Variants in AKT3 observed in about 807,000 individuals in gnomAD.
AKT3 encodes the protein AKT serine/threonine kinase 3.
AKT3 carries 15 observed loss-of-function variants against 65.3 expected under a neutral mutation model. The observed-to-expected ratio is 0.23, with a 90% confidence interval of 0.15 to 0.35. AKT3 has a LOEUF of 0.35. Among genes scored for constraint, AKT3 ranks in the 10% least tolerant of loss-of-function variants. The pLI, the probability that AKT3 is intolerant of heterozygous loss-of-function variation, is 1.00. For synonymous variants in AKT3, 206 were observed against 183.8 expected, an observed-to-expected ratio of 1.12 and a Z score of -0.98; for missense variants, 243 against 576.5, an observed-to-expected ratio of 0.42 and a Z score of 5.92.
chr1:243,644,892 C>G (rs907950929), intron 5 of AKT3, among the ~76,000 whole-genome samples: 1 of 151,802 alleles, frequency 6.6e-6, no homozygotes, highest in African/African-American at 2.4e-5. Flanking sequence ...ATTAAATTGA[C>G]GTAAAAGAAA....
intron 6 of AKT3, among the ~76,000 whole-genome samples, chr1:243,637,311 A>C (rs1306308593): frequency 6.6e-6 from 1 of 152,138 alleles, no homozygotes; most frequent in African/African-American, 2.4e-5. Context: ...AGAAATTATT[A>C]AAAAGCAATC....
chr1:243,671,136 T>C (rs1372741131), intron 3 of AKT3, among the ~76,000 whole-genome samples: 3 of 150,658 alleles, frequency 2.0e-5, no homozygotes, highest in African/African-American at 7.3e-5. Context: ...TGGAGTGCAG[T>C]GGCGCAATCT....
At chr1:243,538,090 A>G (rs1245103524) in intron 12 of AKT3, among the ~76,000 whole-genome samples, 1 of 152,206 alleles carries the variant, frequency 6.6e-6, no homozygotes, top group Non-Finnish European at 1.5e-5. Context: ...ACTTTAAAAT[A>G]TAATTATCTA....
At chr1:243,633,560 GGT>G (rs1679761757) in intron 6 of AKT3, among the ~76,000 whole-genome samples, 2 of 151,514 alleles carry the variant, frequency 1.3e-5, no homozygotes, top group African/African-American at 4.9e-5. Flanking sequence ...AAGTTAAGGT[GGT>G]ATAAATTTAA....
chr1:243,762,206 A>G (rs1430562470), intron 2 of AKT3, among the ~76,000 whole-genome samples: 1 of 151,988 alleles, frequency 6.6e-6, no homozygotes, highest in African/African-American at 2.4e-5. Flanking sequence ...GGGGAAAAAT[A>G]ATCATTTATT....
intron 2 of AKT3, among the ~76,000 whole-genome samples, chr1:243,721,618 A>G (rs1275779351): frequency 6.6e-6 from 1 of 152,156 alleles, no homozygotes; most frequent in African/African-American, 2.4e-5. Flanking sequence ...TTCCACTACT[A>G]TACTACCAAA....
intron 2 of AKT3, among the ~76,000 whole-genome samples, chr1:243,759,527 T>C (rs1429640164): frequency 6.6e-6 from 1 of 151,684 alleles, no homozygotes; most frequent in Non-Finnish European, 1.5e-5. Flanking sequence ...TGATGGGTAA[T>C]GAATAATATT....
At chr1:243,630,684 T>C (rs2147788839) in intron 6 of AKT3, among the ~76,000 whole-genome samples, 1 of 152,288 alleles carries the variant, frequency 6.6e-6, no homozygotes, top group South Asian at 2.1e-4. Flanking sequence ...AAAAAAATTA[T>C]AACATGCTTT....
At chr1:243,755,373 C>T (rs556835718) in intron 2 of AKT3, among the ~76,000 whole-genome samples, 2 of 151,854 alleles carry the variant, frequency 1.3e-5, no homozygotes, top group Non-Finnish European at 2.9e-5. Context: ...CGTGCCCGGT[C>T]TCCTTTTTAA....
chr1:243,609,948 A>G lies in AKT3; in HGVS notation c.696+3723T>C, dbSNP rs140877166. ...CCCACCAAAGTCCCACCATCTATCT[A>G]TCTGTTATGATAGAAGTGATAATTA... On this transcript the variant is annotated intron_variant, in intron 8 of 13. Transcript: ENST00000673466. Among the ~76,000 whole-genome samples, 337 of 152,212 alleles carry G rather than the reference A, an allele frequency of 2.2e-3. 3 individuals are homozygous for G. Among genetic ancestry groups the G allele is most frequent in the African/African-American group, 7.8e-3 (324 of 41,526 alleles).
intron 2 of AKT3, among the ~76,000 whole-genome samples, chr1:243,702,628 A>C (rs940315698): frequency 2.0e-5 from 3 of 152,200 alleles, no homozygotes; most frequent in Non-Finnish European, 4.4e-5. Flanking sequence ...ATGTTCTACT[A>C]ATCAGTACTG....
intron 9 of AKT3, among the ~76,000 whole-genome samples, chr1:243,567,593 T>C (rs1022585483): frequency 6.6e-6 from 1 of 150,916 alleles, no homozygotes; most frequent in Non-Finnish European, 1.5e-5. Context: ...CCTCCCAAAG[T>C]GCTGGGATTA....
intron 2 of AKT3, among the ~76,000 whole-genome samples, chr1:243,802,501 T>C (rs954471397): frequency 3.3e-5 from 5 of 152,178 alleles, no homozygotes; most frequent in Non-Finnish European, 5.9e-5. Flanking sequence ...CTGTAAACTT[T>C]CCAGTCATTA....
intron 2 of AKT3, among the ~76,000 whole-genome samples, chr1:243,742,880 T>C (rs992492820): frequency 6.6e-6 from 1 of 151,802 alleles, no homozygotes; most frequent in Non-Finnish European, 1.5e-5. Context: ...GTGTAGACCA[T>C]TTACGAAAAT....
At chr1:243,752,625 T>A (rs1688876998) in intron 2 of AKT3, among the ~76,000 whole-genome samples, 1 of 152,222 alleles carries the variant, frequency 6.6e-6, no homozygotes, top group Admixed American at 6.5e-5. Context: ...TTTTTCAAAT[T>A]CAAATAGACT....
At chr1:243,488,722 G>C (rs1665629825) in intron 13 of AKT3, among the ~76,000 whole-genome samples, 1 of 152,156 alleles carries the variant, frequency 6.6e-6, no homozygotes, top group Non-Finnish European at 1.5e-5. Flanking sequence ...TTTGACCTCT[G>C]CTTGGGAGTT....
Position 243,499,881 on chromosome 1 carries a change from A to C in AKT3, c.*5368T>G. 2 of 1,203,672 alleles carry C rather than the reference A, an allele frequency of 1.7e-6. No individual in the cohort carries two copies. The highest frequency in any genetic ancestry group is 2.5e-5 in the South Asian group (2 of 80,442). 74.6% of individuals were successfully genotyped at this position (1,203,672 alleles called of 1,614,324 possible). ...TGCCACAACGCACCACGACCTTCCC[A>C]GGGTGACACCGCCTCAGCCTGCAGT... On this transcript the variant is annotated 3_prime_UTR_variant, in exon 14 of 14. Transcript: ENST00000673466.
chr1:243,849,444 T>A (rs1044026717), intron 1 of AKT3, among the ~76,000 whole-genome samples: 1 of 105,132 alleles, frequency 9.5e-6, no homozygotes, highest in Non-Finnish European at 1.7e-5. Context: ...CGGGGAAGGG[T>A]GGGGGAAGGA....
intron 3 of AKT3, among the ~76,000 whole-genome samples, chr1:243,675,532 ATGC>A (rs1279387896): frequency 1.3e-5 from 2 of 152,132 alleles, no homozygotes; most frequent in Non-Finnish European, 2.9e-5. Flanking sequence ...CTTGTATTAA[ATGC>A]TGCTCCTCTT....
Sources: gnomAD v4.1 joint callset for allele counts (sites outside exome capture counted in the v4.1 genomes callset) on GRCh38, gnomAD v4.1.1 for gene constraint, MANE v1.5 for transcripts, NCBI Gene and HGNC (gene_info 2026-07-23, HGNC 2026-07-21) for gene names.